RGPD2: variants seen among roughly 807,000 people sequenced by gnomAD.
RGPD2 encodes the protein RANBP2-like and GRIP domain-containing protein 2.
Under a neutral mutation model 36.0 loss-of-function variants are expected in RGPD2, and 2 were observed. The observed-to-expected ratio is 0.06, with a 90% confidence interval of 0.02 to 0.17. The LOEUF (loss-of-function observed/expected upper bound fraction) is 0.17, where lower values mean the gene tolerates loss of function less well. RGPD2 is among the 10% of genes least tolerant of loss of function. The probability of loss-of-function intolerance (pLI) is 1.00; values close to 1 mark genes in which losing one functional copy is unlikely to be tolerated. For synonymous variants in RGPD2, 19 were observed against 163.8 expected (o/e 0.12, Z 6.75); for missense variants, 40 against 464.3 (o/e 0.09, Z 8.40).
the RGPD2 span, among the ~76,000 whole-genome samples, chr2:87,961,093 C>T: frequency 2.0e-5 from 3 of 151,554 alleles, no homozygotes; most frequent in Admixed American, 1.3e-4. Flanking sequence ...TAGGTTTATA[C>T]TATTTCTTTT....
the RGPD2 span, among the ~76,000 whole-genome samples, chr2:87,883,874 C>T: frequency 6.6e-6 from 1 of 151,522 alleles, no homozygotes; most frequent in Non-Finnish European, 1.5e-5. Context: ...CCACTTTCAG[C>T]AACAGACAGA....
chr2:87,853,858 C>G, the RGPD2 span, among the ~76,000 whole-genome samples: 1 of 152,014 alleles, frequency 6.6e-6, no homozygotes, highest in Non-Finnish European at 1.5e-5. Flanking sequence ...TTGTAAAAAT[C>G]AAGGCCTAGG....
the RGPD2 span, chr2:87,968,672 A>G: frequency 9.4e-6 from 2 of 213,806 alleles, no homozygotes; most frequent in Non-Finnish European, 1.8e-5. Context: ...GCCGAATAGG[A>G]CATGTCTTCG....
At chr2:87,809,395 G>A (rs1389613438) in intron 6 of RGPD2, among the ~76,000 whole-genome samples, 40 of 147,398 alleles carry the variant, frequency 2.7e-4, no homozygotes, top group South Asian at 9.1e-4. Context: ...TGGGCTGAGC[G>A]CGGTGGCTCA....
At chr2:87,986,489 A>G in the RGPD2 span, among the ~76,000 whole-genome samples, 18 of 152,072 alleles carry the variant, frequency 1.2e-4, no homozygotes, top group African/African-American at 4.3e-4. Context: ...CAAATAGCCC[A>G]GTTTGCCAGA....
At chr2:87,984,517 A>T in the RGPD2 span, among the ~76,000 whole-genome samples, 1 of 150,638 alleles carries the variant, frequency 6.6e-6, no homozygotes, top group African/African-American at 2.5e-5. Context: ...TGGTATTTTT[A>T]TATAGAAGGT....
chr2:87,882,089 C>T, the RGPD2 span, among the ~76,000 whole-genome samples: 7 of 152,256 alleles, frequency 4.6e-5, no homozygotes, highest in African/African-American at 1.4e-4. Context: ...GATCTATCTC[C>T]ATGACATAAA....
At chr2:87,877,319 G>A in the RGPD2 span, among the ~76,000 whole-genome samples, 1 of 152,216 alleles carries the variant, frequency 6.6e-6, no homozygotes, top group Admixed American at 6.5e-5. Flanking sequence ...GTACTTCAGT[G>A]TGTTTTTGTA....
chr2:87,957,248 C>T, the RGPD2 span, among the ~76,000 whole-genome samples: 12 of 138,660 alleles, frequency 8.7e-5, no homozygotes, highest in Non-Finnish European at 1.8e-4. Context: ...GGGGGGGGCT[C>T]TCATTATGAG....
the RGPD2 span, among the ~76,000 whole-genome samples, chr2:87,859,631 A>T: frequency 6.6e-6 from 1 of 152,140 alleles, no homozygotes; most frequent in Non-Finnish European, 1.5e-5. Context: ...GCTTTTCTCA[A>T]CTCATCATAA....
At chr2:87,930,470 C>T in the RGPD2 span, among the ~76,000 whole-genome samples, 2 of 152,096 alleles carry the variant, frequency 1.3e-5, no homozygotes, top group African/African-American at 4.8e-5. Context: ...ATTCTACTTG[C>T]CAGTATTTTG....
chr2:87,927,677 C>CT, the RGPD2 span, among the ~76,000 whole-genome samples: 15 of 147,972 alleles, frequency 1.0e-4, no homozygotes, highest in South Asian at 2.1e-4. Context: ...AGTATCATGT[C>CT]TTTTTTTTTA....
the RGPD2 span, among the ~76,000 whole-genome samples, chr2:87,834,663 A>G: frequency 1.3e-5 from 2 of 152,210 alleles, no homozygotes; most frequent in East Asian, 3.9e-4. Context: ...TAACACATAA[A>G]CATTGCTGAG....
the RGPD2 span, among the ~76,000 whole-genome samples, chr2:87,924,682 A>G: frequency 6.8e-6 from 1 of 147,970 alleles, no homozygotes; most frequent in African/African-American, 2.5e-5. Flanking sequence ...AGTGTGAAAT[A>G]CTTCCAATAA....
At chr2:87,979,119 A>T in the RGPD2 span, among the ~76,000 whole-genome samples, 4 of 151,676 alleles carry the variant, frequency 2.6e-5, no homozygotes, top group Non-Finnish European at 5.9e-5. Flanking sequence ...CTGTAATTCT[A>T]GCTACTGGGG....
chr2:87,905,428 A>G, the RGPD2 span, among the ~76,000 whole-genome samples: 19 of 152,334 alleles, frequency 1.2e-4, no homozygotes, highest in Non-Finnish European at 2.5e-4. Context: ...TCTATGTGAA[A>G]CAAACACCAG....
At chr2:87,974,036 G>A in the RGPD2 span, among the ~76,000 whole-genome samples, 1 of 151,912 alleles carries the variant, frequency 6.6e-6, no homozygotes, top group Non-Finnish European at 1.5e-5. Flanking sequence ...ACAACTCCGG[G>A]GGCATCAATG....
chr2:87,809,674 C>A (rs1161533741), intron 6 of RGPD2, among the ~76,000 whole-genome samples: 17 of 149,542 alleles, frequency 1.1e-4, no homozygotes, highest in African/African-American at 4.2e-4. Context: ...ACCCACCACC[C>A]TAAGCCACAC....
At chr2:87,877,627 C>A in the RGPD2 span, among the ~76,000 whole-genome samples, 2 of 152,196 alleles carry the variant, frequency 1.3e-5, no homozygotes. Flanking sequence ...CACGGTGAAA[C>A]CCTGTCTCTA....
Sources: allele counts gnomAD v4.1 joint callset (sites outside exome capture counted in the v4.1 genomes callset), GRCh38; gene constraint gnomAD v4.1.1; transcripts MANE v1.5; gene names NCBI Gene and HGNC (gene_info 2026-07-23, HGNC 2026-07-21).